Variants in PI15 observed in about 807,000 individuals in gnomAD.
PI15 encodes the protein peptidase inhibitor 15, also known as 25 kDa trypsin inhibitor.
PI15 carries 18 observed loss-of-function variants against 31.0 expected under a neutral mutation model. The ratio of observed to expected loss-of-function variants is 0.58; its 90% CI spans 0.40 to 0.86. The LOEUF (loss-of-function observed/expected upper bound fraction) is 0.86. Among genes scored for constraint, PI15 ranks in the 40% least tolerant of loss-of-function variants. PI15 has a pLI of 0.00. For synonymous variants in PI15, 118 were observed against 119.1 expected, an observed-to-expected ratio of 0.99 and a Z score of 0.06; for missense variants, 282 against 328.1, an observed-to-expected ratio of 0.86 and a Z score of 1.09.
intron 5 of PI15, among the ~76,000 whole-genome samples, chr8:74,848,724 T>TAG (rs1411144065): frequency 9.1e-5 from 13 of 143,480 alleles, no homozygotes; most frequent in African/African-American, 2.7e-4. Flanking sequence ...AATATATATA[T>TAG]ATATATATAG....
intron 2 of PI15, 97 bp downstream of exon 2, chr8:74,825,619 C>A: frequency 1.0e-6 from 1 of 962,844 alleles, no homozygotes; most frequent in South Asian, 1.7e-5. Context: ...GTTTATATGT[C>A]CGGGTATATG....
intron 2 of PI15, among the ~76,000 whole-genome samples, chr8:74,830,320 G>A (rs1810763539): frequency 6.6e-6 from 1 of 151,946 alleles, no homozygotes; most frequent in African/African-American, 2.4e-5. Context: ...ATTTTAAGAA[G>A]CCAAAATAAC....
At chr8:74,826,316 G>A in intron 2 of PI15, 14 of 977,498 alleles carry the variant, frequency 1.4e-5, no homozygotes, top group Non-Finnish European at 1.7e-5. Context: ...CTTGGAGCCT[G>A]TTTAAGGCAA....
At chr8:74,839,278 A>G (rs1810912113) in intron 2 of PI15, among the ~76,000 whole-genome samples, 1 of 152,216 alleles carries the variant, frequency 6.6e-6, no homozygotes, top group African/African-American at 2.4e-5. Context: ...TATAAGCACA[A>G]TAGCTCATGG....
intron 2 of PI15, among the ~76,000 whole-genome samples, chr8:74,833,855 A>G (rs775176022): frequency 6.6e-6 from 1 of 152,236 alleles, no homozygotes; most frequent in Non-Finnish European, 1.5e-5. Context: ...GGTCTCCCCA[A>G]TTCCCAGGCT....
intron 2 of PI15, among the ~76,000 whole-genome samples, chr8:74,835,169 C>A (rs946165395): frequency 2.0e-4 from 31 of 152,130 alleles, no homozygotes; most frequent in Non-Finnish European, 4.4e-5. Context: ...AACCTTACCC[C>A]CATCCCTTCA....
At chr8:74,828,851 C>G (rs1810737559) in intron 2 of PI15, among the ~76,000 whole-genome samples, 1 of 152,034 alleles carries the variant, frequency 6.6e-6, no homozygotes. Flanking sequence ...CTCCATTTTC[C>G]TTCCCTCTAA....
At chr8:74,826,453 A>G (rs1810701851) in intron 2 of PI15, 1 of 177,612 alleles carries the variant, frequency 5.6e-6, no homozygotes, top group South Asian at 1.9e-4. Context: ...TTATGTAAAT[A>G]AGTTATATTA....
chr8:74,849,186 G>A lies in PI15; in HGVS notation c.710G>A (p.Gly237Glu). Reference protein sequence around the residue: ...VPCSSCPPSYGGSCTDNLCFP... With the variant: ...VPCSSCPPSYEGSCTDNLCFP... ...TGTTCATCTTGTCCTCCAAGTTATG[G>A]GGGATCTTGTACTGACAATCTGTGT... is the stretch of plus-strand genomic sequence containing the variant. Residue 237 changes from glycine to glutamate, a missense_variant, in exon 6 of 6, where the codon GGG (glycine) becomes GAG (glutamate). Physicochemically the swap from Gly to Glu is moderately conservative, Grantham distance 98. Transcript: ENST00000260113. 6.2e-7 allele frequency: 1 copy of A among 1,612,338 alleles called. No individual in the cohort carries two copies. The highest frequency in any genetic ancestry group is 8.5e-7 in the Non-Finnish European group (1 of 1,178,546).
chr8:74,843,279 C>G (rs1165563657), intron 2 of PI15, among the ~76,000 whole-genome samples: 10 of 152,138 alleles, frequency 6.6e-5, no homozygotes, highest in African/African-American at 2.4e-4. Flanking sequence ...TTAACCTTTT[C>G]TTTACTAAAA....
At chr8:74,828,265 G>A (rs960160203) in intron 2 of PI15, among the ~76,000 whole-genome samples, 1 of 152,114 alleles carries the variant, frequency 6.6e-6, no homozygotes, top group Admixed American at 6.6e-5. Flanking sequence ...GCAGGCAAGG[G>A]AGTGAGCCAC....
At chr8:74,830,785 C>A (rs1810770948) in intron 2 of PI15, among the ~76,000 whole-genome samples, 1 of 152,080 alleles carries the variant, frequency 6.6e-6, no homozygotes, top group Admixed American at 6.6e-5. Context: ...AATGTTCTTG[C>A]TATAAACATG....
intron 5 of PI15, among the ~76,000 whole-genome samples, chr8:74,848,016 C>T (rs913150394): frequency 6.6e-5 from 10 of 152,030 alleles, no homozygotes; most frequent in African/African-American, 2.4e-4. Flanking sequence ...TTAATTTCTC[C>T]TTTATAATTA....
chr8:74,836,788 G>T (rs1810879109), intron 2 of PI15, among the ~76,000 whole-genome samples: 1 of 152,108 alleles, frequency 6.6e-6, no homozygotes, highest in Non-Finnish European at 1.5e-5. Flanking sequence ...GATGACCTTT[G>T]ATGACCTTGA....
chr8:74,846,951 C>T (rs1391677159), intron 5 of PI15, among the ~76,000 whole-genome samples: 2 of 151,904 alleles, frequency 1.3e-5, no homozygotes, highest in African/African-American at 4.8e-5. Context: ...ATAGAATTAT[C>T]CTCTATTCAA....
At chr8:74,835,201 TTA>T (rs1412725962) in intron 2 of PI15, among the ~76,000 whole-genome samples, 1 of 152,184 alleles carries the variant, frequency 6.6e-6, no homozygotes, top group East Asian at 1.9e-4. Flanking sequence ...AGAATTTTTT[TTA>T]TCTTTTTAAA....
In PI15 at chr8:74,852,986, T is replaced by C. The variant is rs1467860711; in HGVS notation, c.*3733T>C. 6.6e-6 allele frequency: 1 copy of C among 152,240 alleles called. No homozygotes were observed. Among genetic ancestry groups the C allele is most frequent in the East Asian group, 1.9e-4 (1 of 5,202 alleles). The allele number at this position is 152,240 out of a possible 1,614,324, so 9.4% of individuals were successfully genotyped here. A position where few individuals can be genotyped will look rare whatever the true frequency, so the allele number is the denominator to read the frequency against. ...TAATTTCTAACATTATCTTTGCTTT[T>C]ATGTTTCATAAAAATTTGTCATTAT... On this transcript the variant is annotated 3_prime_UTR_variant, in exon 6 of 6. Coordinates refer to ENST00000260113, the MANE Select transcript of PI15 (RefSeq NM_015886.5).
At chr8:74,830,916 T>C (rs1810773036) in intron 2 of PI15, among the ~76,000 whole-genome samples, 3 of 152,164 alleles carry the variant, frequency 2.0e-5, no homozygotes, top group African/African-American at 7.2e-5. Context: ...AGGAGGCGTT[T>C]TCTCCAGCAC....
intron 2 of PI15, among the ~76,000 whole-genome samples, chr8:74,840,060 T>G (rs1313499102): frequency 6.6e-6 from 1 of 152,144 alleles, no homozygotes; most frequent in African/African-American, 2.4e-5. Context: ...CCACTTTTTT[T>G]GTTGAAAATT....
Sources: gnomAD v4.1 joint callset for allele counts (sites outside exome capture counted in the v4.1 genomes callset) on GRCh38, gnomAD v4.1.1 for gene constraint, MANE v1.5 for transcripts, NCBI Gene and HGNC (gene_info 2026-07-23, HGNC 2026-07-21) for gene names.